ANK3: variants seen among roughly 807,000 people sequenced by gnomAD.
ANK3 encodes the protein ankyrin-3.
ANK3 carries 57 observed loss-of-function variants against 370.9 expected under a neutral mutation model. The ratio of observed to expected loss-of-function variants is 0.15; its 90% CI spans 0.12 to 0.19. The LOEUF is 0.19. Ranked by LOEUF, ANK3 falls within the 10% of genes least tolerant of loss-of-function variation. The pLI, the probability that ANK3 is intolerant of heterozygous loss-of-function variation, is 1.00. For missense variants in ANK3, 4,439 were observed against 5,302.1 expected, an observed-to-expected ratio of 0.84 and a Z score of 5.06; for synonymous variants, 1,929 against 1,946.3, an observed-to-expected ratio of 0.99 and a Z score of 0.23.
chr10:60,445,070 T>C lies in ANK3; in HGVS notation c.97-165431A>G, dbSNP rs978148508. On this transcript the variant is annotated intron_variant, in intron 2 of 43. Coordinates refer to the ANK3 transcript ENST00000373827. ...TGGAGTAATTCTGAAGGCACAAAAA[T>C]TAATGCAATATTCTAGATTACAAGA... 7.2e-5 allele frequency among the ~76,000 whole-genome samples: 11 copies of C among 152,276 alleles called. No homozygotes were observed. In the East Asian group the frequency reaches 2.1e-3, roughly 29 times the overall value.
At chr10:60,361,138 T>C (rs1198101440) in intron 1 of ANK3, among the ~76,000 whole-genome samples, 2 of 152,242 alleles carry the variant, frequency 1.3e-5, no homozygotes, top group Admixed American at 1.3e-4. Context: ...AATTCTATTT[T>C]TTGAAATCTT....
chr10:60,056,062 C>T (rs1363309939), intron 41 of ANK3, 26 bp from the exon 42 acceptor site: 4 of 1,577,046 alleles, frequency 2.5e-6, no homozygotes, highest in Non-Finnish European at 3.4e-6. Flanking sequence ...TGCAAATTCA[C>T]AATGGCAAAC....
intron 1 of ANK3, among the ~76,000 whole-genome samples, chr10:60,704,617 C>A (rs565401184): frequency 5.9e-5 from 9 of 152,160 alleles, no homozygotes; most frequent in Admixed American, 4.6e-4. Context: ...CTGACCTTTC[C>A]CAACAAAGAA....
At chr10:60,645,856 C>A (rs1294661512) in intron 1 of ANK3, among the ~76,000 whole-genome samples, 4 of 152,160 alleles carry the variant, frequency 2.6e-5, no homozygotes, top group African/African-American at 4.8e-5. Flanking sequence ...AATTAGCATA[C>A]AAAAACAATC....
At position 60,172,310 on chromosome 10, in the gene ANK3, T is replaced by C; in HGVS notation, c.2476A>G (p.Thr826Ala). The C allele has an allele frequency of 1.2e-6, 2 of 1,613,186 alleles. No homozygotes were observed. Among genetic ancestry groups the C allele is most frequent in the East Asian group, 2.2e-5 (1 of 44,870 alleles). The change falls in exon 21 of 44, where the codon ACT (threonine) becomes GCT (alanine). Residue 826 changes from threonine (T) to alanine (A), a missense_variant and splice_region_variant. By Grantham distance (58) the Thr-to-Ala change is moderately conservative. Transcript: ENST00000280772. Reference protein sequence around the residue: ...KIVTEETMTTTTVTEKHKMNV... With the variant: ...KIVTEETMTTATVTEKHKMNV... Reference sequence around the variant, plus strand: ...AAGGTTCTGCATTCCTTACTTACAGTTGTGGTCATGGTCTCTTCGGTCACT... The same window carrying C: ...AAGGTTCTGCATTCCTTACTTACAGCTGTGGTCATGGTCTCTTCGGTCACT...
At chr10:60,172,123 T>C (rs1401467839) in intron 21 of ANK3, among the ~76,000 whole-genome samples, 185 bp downstream of exon 21, 2 of 152,202 alleles carry the variant, frequency 1.3e-5, no homozygotes, top group African/African-American at 4.8e-5. Flanking sequence ...ATTCTTAGTG[T>C]TTTAAACTTT....
chr10:60,324,630 G>C (rs1304871439), intron 1 of ANK3, among the ~76,000 whole-genome samples: 1 of 152,124 alleles, frequency 6.6e-6, no homozygotes, highest in African/African-American at 2.4e-5. Flanking sequence ...TTTCAGGAAT[G>C]AGAAGCCCAG....
intron 2 of ANK3, among the ~76,000 whole-genome samples, chr10:60,518,064 A>G (rs1488826226): frequency 2.0e-5 from 3 of 152,144 alleles, no homozygotes; most frequent in African/African-American, 2.4e-5. Flanking sequence ...CAGCAGAAAT[A>G]CTGAATAAAT....
chr10:60,723,289 A>T (rs956212621), intron 1 of ANK3, among the ~76,000 whole-genome samples: 1 of 152,212 alleles, frequency 6.6e-6, no homozygotes, highest in Non-Finnish European at 1.5e-5. Flanking sequence ...CAAGATCACA[A>T]CACCTTCCTT....
chr10:60,534,870 G>A (rs2076687692), intron 2 of ANK3, among the ~76,000 whole-genome samples: 1 of 152,080 alleles, frequency 6.6e-6, no homozygotes, highest in African/African-American at 2.4e-5. Flanking sequence ...GCTATAGGAT[G>A]GAAAAGTACT....
chr10:60,583,639 A>G (rs2133283394), intron 2 of ANK3, among the ~76,000 whole-genome samples: 1 of 151,262 alleles, frequency 6.6e-6, no homozygotes, highest in Admixed American at 6.6e-5. Flanking sequence ...CCCAGGTTGC[A>G]GTGGCACGAT....
At chr10:60,294,161 T>G (rs1015769998) in intron 1 of ANK3, among the ~76,000 whole-genome samples, 1 of 150,810 alleles carries the variant, frequency 6.6e-6, no homozygotes, top group Non-Finnish European at 1.5e-5. Context: ...TCCCAACAGT[T>G]TTTTTTTTAG....
chr10:60,492,972 T>C (rs112539056), intron 2 of ANK3, among the ~76,000 whole-genome samples: 20,505 of 148,500 alleles, frequency 0.14, 1,624 homozygotes, highest in African/African-American at 0.22. Flanking sequence ...CCCAGCTACT[T>C]GGGAGGCTGA....
chr10:60,152,762 G>A (rs1011075778), intron 23 of ANK3, among the ~76,000 whole-genome samples: 8 of 152,044 alleles, frequency 5.3e-5, no homozygotes, highest in Non-Finnish European at 1.0e-4. Flanking sequence ...CCATCCAGGT[G>A]AAGAAATAGA....
At chr10:60,317,511 T>C (rs1418034133) in intron 1 of ANK3, among the ~76,000 whole-genome samples, 1 of 152,110 alleles carries the variant, frequency 6.6e-6, no homozygotes, top group Non-Finnish European at 1.5e-5. Context: ...GCACCTTCTA[T>C]TACATCTCAT....
chr10:60,414,785 C>T (rs1231009053), intron 2 of ANK3, among the ~76,000 whole-genome samples: 3 of 152,176 alleles, frequency 2.0e-5, no homozygotes, highest in African/African-American at 4.8e-5. Context: ...CTACCTTCAC[C>T]TTTCAGAGTG....
At position 60,055,813 on chromosome 10, in the gene ANK3, G is replaced by C; in HGVS notation, c.12910C>G (p.Gln4304Glu). Residue 4304 changes from glutamine (Q) to glutamate (E), a missense_variant, in exon 42 of 44, where the codon CAG becomes GAG. By Grantham distance (29) the Gln-to-Glu change is conservative. Transcript: ENST00000280772. ...TTGCTGGTTTCTTCTAGAGATTTCTGATATGCTGCTAGTGGTGATGCTGGT... is the reference window on the plus strand; with the variant it reads ...TTGCTGGTTTCTTCTAGAGATTTCTCATATGCTGCTAGTGGTGATGCTGGT... Reference protein sequence around the residue: ...EEPASPLAAYQKSLEETSKLI... With the variant: ...EEPASPLAAYEKSLEETSKLI... 2 of 1,614,160 alleles carry C rather than the reference G, an allele frequency of 1.2e-6. No individual in the cohort carries two copies. Among genetic ancestry groups the C allele is most frequent in the Admixed American group, 3.3e-5 (2 of 60,014 alleles).
At chr10:60,262,692 T>C (rs2097824670) in intron 6 of ANK3, among the ~76,000 whole-genome samples, 1 of 152,154 alleles carries the variant, frequency 6.6e-6, no homozygotes, top group Non-Finnish European at 1.5e-5. Flanking sequence ...GAAGGGTGGG[T>C]CATATTGACA....
Position 60,076,168 on chromosome 10 carries a change from A to G in ANK3, c.4713T>C (p.Ile1571=). Residue 1571 remains isoleucine, a synonymous_variant, in exon 37 of 44, where the codon ATT becomes ATC. Transcript: ENST00000280772. ...VKSISDVASP[I]RSFRTMSSPI... is the part of the protein sequence containing the mutation. ...GCGAAGACATTGTCCGAAAGGATCTAATTGGAGATGCCACGTCACTAATGG... is the reference window on the plus strand; with the variant it reads ...GCGAAGACATTGTCCGAAAGGATCTGATTGGAGATGCCACGTCACTAATGG... 6.2e-7 allele frequency: 1 copy of G among 1,614,194 alleles called. No individual in the cohort carries two copies. The highest frequency in any genetic ancestry group is 8.5e-7 in the Non-Finnish European group (1 of 1,180,008).
Sources: gnomAD v4.1 joint callset for allele counts (sites outside exome capture counted in the v4.1 genomes callset) on GRCh38, gnomAD v4.1.1 for gene constraint, MANE v1.5 for transcripts, NCBI Gene and HGNC (gene_info 2026-07-23, HGNC 2026-07-21) for gene names.